Variants in GRIA2 observed in about 807,000 individuals in gnomAD.
GRIA2 encodes the protein glutamate ionotropic receptor AMPA type subunit 2, also known as glutamate receptor 2.
Under a neutral mutation model 97.3 loss-of-function variants are expected in GRIA2, and 14 were observed. The ratio of observed to expected loss-of-function variants is 0.14; its 90% CI spans 0.10 to 0.23. The LOEUF (loss-of-function observed/expected upper bound fraction) is 0.23, where lower values mean the gene tolerates loss of function less well. Among genes scored for constraint, GRIA2 ranks in the 10% least tolerant of loss-of-function variants. The pLI is 1.00. For missense variants in GRIA2, 558 were observed against 1,069.8 expected, an observed-to-expected ratio of 0.52 and a Z score of 6.67; for synonymous variants, 412 against 387.8, an observed-to-expected ratio of 1.06 and a Z score of -0.73.
Position 157,220,848 on chromosome 4 carries a change from A to G in GRIA2, c.-195A>G. 1 of 589,944 alleles carries G rather than the reference A, an allele frequency of 1.7e-6. No individual in the cohort carries two copies. The highest frequency in any genetic ancestry group is 2.0e-5 in the South Asian group (1 of 49,978). The allele number at this position is 589,944 out of a possible 1,614,324, so 36.5% of individuals were successfully genotyped here. A position where few individuals can be genotyped will look rare whatever the true frequency, so the allele number is the denominator to read the frequency against. ...GACTTCTGGAGCGGGGACAGGGCGC[A>G]GGGCATCAGCAGCCACCAGCAGGAC... On this transcript the variant is annotated 5_prime_UTR_variant, in exon 1 of 16. Coordinates refer to ENST00000264426, the MANE Select transcript of GRIA2 (RefSeq NM_001083619.3).
intron 12 of GRIA2, among the ~76,000 whole-genome samples, chr4:157,344,225 A>G (rs1452367208): frequency 2.0e-5 from 3 of 152,098 alleles, no homozygotes; most frequent in African/African-American, 7.2e-5. Flanking sequence ...TAATATGTCT[A>G]TTGGCTGTAG....
intron 6 of GRIA2, among the ~76,000 whole-genome samples, chr4:157,323,445 T>C (rs970853124): frequency 2.7e-5 from 4 of 150,472 alleles, no homozygotes; most frequent in South Asian, 2.1e-4. Context: ...AGAGCCTTAG[T>C]TGGTGTCAGC....
intron 4 of GRIA2, among the ~76,000 whole-genome samples, chr4:157,316,166 C>A (rs1448175193): frequency 2.0e-5 from 3 of 152,046 alleles, no homozygotes; most frequent in Non-Finnish European, 4.4e-5. Context: ...GTAAGCAGAG[C>A]TAACAGATGT....
chr4:157,269,622 T>C (rs933913614), intron 2 of GRIA2, among the ~76,000 whole-genome samples: 1 of 152,066 alleles, frequency 6.6e-6, no homozygotes, highest in Non-Finnish European at 1.5e-5. Context: ...AGCTTTCAAC[T>C]GATATCTTTT....
intron 2 of GRIA2, among the ~76,000 whole-genome samples, chr4:157,241,674 C>G (rs549641725): frequency 2.6e-5 from 4 of 152,150 alleles, no homozygotes; most frequent in African/African-American, 9.6e-5. Flanking sequence ...CTGTGTAGAA[C>G]ATCTATCCAC....
intron 2 of GRIA2, among the ~76,000 whole-genome samples, chr4:157,224,529 C>A (rs1259808085): frequency 6.6e-6 from 1 of 151,920 alleles, no homozygotes; most frequent in Non-Finnish European, 1.5e-5. Context: ...AATTTGTATC[C>A]TTTTTTGTTT....
At chr4:157,234,111 TTTCTC>T (rs961847568) in intron 2 of GRIA2, among the ~76,000 whole-genome samples, 4 of 152,104 alleles carry the variant, frequency 2.6e-5, no homozygotes, top group Non-Finnish European at 5.9e-5. Context: ...CTAGTCTTGT[TTTCTC>T]CTCTGTAAAA....
chr4:157,237,513 C>T (rs1730308461), intron 2 of GRIA2, among the ~76,000 whole-genome samples: 1 of 152,042 alleles, frequency 6.6e-6, no homozygotes, highest in Admixed American at 6.6e-5. Flanking sequence ...CTCCTGGCCT[C>T]AAGCAATCCT....
chr4:157,232,766 TA>T (rs990845771), intron 2 of GRIA2, among the ~76,000 whole-genome samples: 13 of 152,006 alleles, frequency 8.6e-5, no homozygotes, highest in Admixed American at 5.2e-4. Flanking sequence ...CTGCGAAGAT[TA>T]AAAAAAATTG....
At chr4:157,226,717 C>T (rs770368910) in intron 2 of GRIA2, among the ~76,000 whole-genome samples, 3 of 151,996 alleles carry the variant, frequency 2.0e-5, no homozygotes, top group African/African-American at 2.4e-5. Context: ...ATTGGCTACG[C>T]GATCCTGTTT....
At chr4:157,291,235 G>C (rs1733086477) in intron 2 of GRIA2, among the ~76,000 whole-genome samples, 1 of 151,836 alleles carries the variant, frequency 6.6e-6, no homozygotes, top group South Asian at 2.1e-4. Context: ...CTTTTCAGCT[G>C]TTCATTTGTT....
rs180868519 is a variant in GRIA2 at position 157,236,696 on chromosome 4, G to A, written c.229+14889G>A. Among the ~76,000 whole-genome samples the A allele has an allele frequency of 3.1e-3, 471 of 152,108 alleles. 3 individuals are homozygous for A. Among genetic ancestry groups the A allele is most frequent in the African/African-American group, 0.011 (452 of 41,510 alleles). On this transcript the variant is annotated intron_variant, in intron 2 of 15. Transcript: ENST00000264426. Reference sequence around the variant, plus strand: ...TGTCTGTTTCTGCCTAATATCACAAGGTTAAATTTTTTAAAGCTTTGCTCT... The same window carrying A: ...TGTCTGTTTCTGCCTAATATCACAAAGTTAAATTTTTTAAAGCTTTGCTCT...
intron 2 of GRIA2, among the ~76,000 whole-genome samples, chr4:157,259,348 G>A (rs2126763826): frequency 6.6e-6 from 1 of 152,218 alleles, no homozygotes; most frequent in African/African-American, 2.4e-5. Flanking sequence ...GGAGACGTCT[G>A]CTATTGTAGT....
At chr4:157,244,264 A>G (rs1158902802) in intron 2 of GRIA2, among the ~76,000 whole-genome samples, 1 of 152,060 alleles carries the variant, frequency 6.6e-6, no homozygotes, top group African/African-American at 2.4e-5. Flanking sequence ...AACCAACAAA[A>G]GCTAGAGAGA....
At chr4:157,230,613 C>T (rs1441466621) in intron 2 of GRIA2, among the ~76,000 whole-genome samples, 4 of 150,866 alleles carry the variant, frequency 2.7e-5, no homozygotes, top group Non-Finnish European at 4.4e-5. Flanking sequence ...TTCCCTCCAT[C>T]CATCCCTTTC....
At chr4:157,297,793 A>G (rs929477819) in intron 2 of GRIA2, among the ~76,000 whole-genome samples, 19 of 151,432 alleles carry the variant, frequency 1.3e-4, no homozygotes, top group African/African-American at 4.4e-4. Flanking sequence ...TTCTTTTTTT[A>G]TTCTAGAAAG....
chr4:157,346,347 G>A (rs1735764475), intron 12 of GRIA2, among the ~76,000 whole-genome samples: 2 of 152,032 alleles, frequency 1.3e-5, no homozygotes, highest in South Asian at 4.1e-4. Context: ...TTATTGCCAT[G>A]TTATAAATAA....
intron 2 of GRIA2, among the ~76,000 whole-genome samples, chr4:157,301,799 T>C (rs573315704): frequency 7.0e-4 from 107 of 152,228 alleles, no homozygotes; most frequent in African/African-American, 2.3e-3. Context: ...GGTTGTTAGA[T>C]TGTGTTTCTG....
intron 12 of GRIA2, among the ~76,000 whole-genome samples, chr4:157,348,716 A>G (rs557821319): frequency 6.6e-6 from 1 of 152,300 alleles, no homozygotes; most frequent in East Asian, 1.9e-4. Flanking sequence ...TTTTTAGTCT[A>G]TGTTGCTTCT....
Sources: gnomAD v4.1 joint callset for allele counts (sites outside exome capture counted in the v4.1 genomes callset) on GRCh38, gnomAD v4.1.1 for gene constraint, MANE v1.5 for transcripts, NCBI Gene and HGNC (gene_info 2026-07-23, HGNC 2026-07-21) for gene names.